FADS6: variants seen among roughly 807,000 people sequenced by gnomAD.
The protein encoded by FADS6 is fatty acid desaturase 6.
In FADS6, 28 loss-of-function variants were observed where a neutral mutation model predicts 31.7. The observed-to-expected ratio is 0.88, with a 90% CI of 0.66 to 1.21. The LOEUF (loss-of-function observed/expected upper bound fraction) is 1.21. Among genes scored for constraint, FADS6 ranks in the 50% most tolerant of loss-of-function variants. The pLI, the probability that FADS6 is intolerant of heterozygous loss-of-function variation, is 0.00. For missense variants in FADS6, 494 were observed against 504.2 expected (o/e 0.98, Z 0.19); for synonymous variants, 191 against 213.1 (o/e 0.90, Z 0.90).
In FADS6 at chr17:74,881,265, A is replaced by G. The variant is rs1204104724; in HGVS notation, c.593-10T>C. The stretch of plus-strand genomic sequence containing the variant: ...ACCTTCCTCAGCCGCTCTGCCATAG[A>G]GGGAGGGGACAGGCAAGGCTCAGAT... On this transcript the variant is annotated splice_polypyrimidine_tract_variant and intron_variant, in intron 3 of 5. Coordinates refer to ENST00000612771, the MANE Select transcript of FADS6 (RefSeq NM_178128.6). The G allele has an allele frequency of 6.3e-7, 1 of 1,585,766 alleles. No individual in the cohort carries two copies. The highest frequency in any genetic ancestry group is 2.3e-5 in the East Asian group (1 of 43,774).
At chr17:74,879,730 C>T (rs780342646) in intron 4 of FADS6, 147 bp from the exon 5 acceptor site, 4 of 777,150 alleles carry the variant, frequency 5.1e-6, no homozygotes, top group East Asian at 2.8e-5. Context: ...GGCCCAGCTC[C>T]GATGATGACC....
At chr17:74,892,104 G>A (rs2038695302) in intron 2 of FADS6, among the ~76,000 whole-genome samples, 1 of 152,232 alleles carries the variant, frequency 6.6e-6, no homozygotes, top group Non-Finnish European at 1.5e-5. Context: ...CCGGGGAGCA[G>A]GGGGCTTCTC....
Position 74,881,390 on chromosome 17 carries a change from C to T in FADS6, c.593-135G>A, listed in dbSNP as rs571051407. 9 of 833,942 alleles carry T rather than the reference C, an allele frequency of 1.1e-5. No individual in the cohort carries two copies. The African/African-American group carries it at 1.6e-4, about 14-fold the overall frequency. The allele number at this position is 833,942 out of a possible 1,614,324, so 51.7% of individuals were successfully genotyped here. A position where few individuals can be genotyped will look rare whatever the true frequency, so the allele number is the denominator to read the frequency against. On this transcript the variant is annotated intron_variant, in intron 3 of 5. Transcript: ENST00000612771. ...CACAACAGCCCTGAAAAGCAGGGCA[C>T]CCCATTGTGTGGATGAAGAAACAGA...
In FADS6 at chr17:74,882,080, C is replaced by T. The variant is rs1180868052; in HGVS notation, c.592+450G>A. 5.3e-5 allele frequency among the ~76,000 whole-genome samples: 8 copies of T among 152,088 alleles called. No homozygotes were observed. The East Asian group carries it at 5.8e-4, about 11-fold the overall frequency. On this transcript the variant is annotated intron_variant, in intron 3 of 5. Coordinates refer to ENST00000612771, the MANE Select transcript of FADS6 (RefSeq NM_178128.6). ...CCTGCCAGGTAGCTGGGACTACAGG[C>T]GCCCACCACCACGCCCAGCTAATTT...
In FADS6 at chr17:74,877,579, C is replaced by T. The variant is rs945838108; in HGVS notation, c.*752G>A. The stretch of plus-strand genomic sequence containing the variant: ...CGAGCTCCTGATCTCGCGATCCACC[C>T]GCCTTGGCCTCCCAAAGTGCTGGGA... On this transcript the variant is annotated 3_prime_UTR_variant, in exon 6 of 6. Coordinates refer to ENST00000612771, the MANE Select transcript of FADS6 (RefSeq NM_178128.6). 1.2e-5 allele frequency: 7 copies of T among 585,428 alleles called. No individual in the cohort carries two copies. The highest frequency in any genetic ancestry group is 8.2e-5 in the African/African-American group (4 of 48,902). 36.3% of individuals were successfully genotyped at this position (585,428 alleles called of 1,614,324 possible).
At chr17:74,886,540 C>T (rs2038625829) in intron 2 of FADS6, among the ~76,000 whole-genome samples, 1 of 151,648 alleles carries the variant, frequency 6.6e-6, no homozygotes, top group Admixed American at 6.6e-5. Flanking sequence ...AACCTCCAGC[C>T]ATCATCTTCC....
chr17:74,879,539 CCGA>C lies in FADS6; in HGVS notation c.822_824del (p.Arg275del). The C allele has an allele frequency of 6.2e-7, 1 of 1,613,588 alleles. No individual in the cohort carries two copies. Among genetic ancestry groups the C allele is most frequent in the Non-Finnish European group, 8.5e-7 (1 of 1,179,862 alleles). On this transcript the variant is annotated inframe_deletion, in exon 5 of 6. Coordinates refer to ENST00000612771, the MANE Select transcript of FADS6 (RefSeq NM_178128.6). The stretch of plus-strand genomic sequence containing the variant: ...GCACCCCCAGGCTCATCATGTGAAT[CCGA>C]CGGGGCTTGTTGTCCCGGGAGAACA...
At chr17:74,888,140 A>ACGCGCGCG (rs1425081128) in intron 2 of FADS6, among the ~76,000 whole-genome samples, 5 of 111,320 alleles carry the variant, frequency 4.5e-5, no homozygotes, top group Admixed American at 4.3e-4. Context: ...ACACACACAC[A>ACGCGCGCG]CACACACACA....
intron 4 of FADS6, among the ~76,000 whole-genome samples, 153 bp from the exon 5 acceptor site, chr17:74,879,736 T>C (rs747067740): frequency 6.6e-6 from 1 of 152,202 alleles, no homozygotes; most frequent in Non-Finnish European, 1.5e-5. Flanking sequence ...GCTCCGATGA[T>C]GACCCTGTCT....
chr17:74,879,470 G>A lies in FADS6; in HGVS notation c.894C>T (p.His298=), dbSNP rs1174442763. The change falls in exon 5 of 6, where the codon CAC becomes CAT. Residue 298 remains histidine (H), a synonymous_variant. Coordinates refer to ENST00000612771, the MANE Select transcript of FADS6 (RefSeq NM_178128.6). ...GTTCCACATGGCAGCTGATGATCGA[G>A]TGGCCGAACGCCCAGTCCAGCACGG... ...RLPVLDWAFG[H]SIISCHVEHH... is the part of the protein sequence containing the mutation. The A allele has an allele frequency of 2.5e-6, 4 of 1,613,954 alleles. No individual in the cohort carries two copies. The Admixed American group carries it at 6.7e-5, about 27-fold the overall frequency.
In FADS6 at chr17:74,882,693, A is replaced by G; in HGVS notation, c.429T>C (p.Thr143=). Residue 143 remains threonine (T), a synonymous_variant, in exon 3 of 6, where the codon ACT becomes ACC. Transcript: ENST00000612771. ...CGTGCCCATGCGTGGCGTGCTCTGC[A>G]GTGAAGGCTGTGCACACCTAGAGGA... ...LFFVEVCTAF[T]AEHATHGHVK... 1 of 1,610,296 alleles carries G rather than the reference A, an allele frequency of 6.2e-7. No homozygotes were observed.
intron 5 of FADS6, among the ~76,000 whole-genome samples, chr17:74,878,772 A>G (rs1029670769): frequency 6.6e-6 from 1 of 152,164 alleles, no homozygotes; most frequent in Non-Finnish European, 1.5e-5. Context: ...TGTGCCAAAC[A>G]TTTCAGATAT....
At chr17:74,878,512 A>C in intron 5 of FADS6, 35 bp from the exon 6 acceptor site, 1 of 1,609,508 alleles carries the variant, frequency 6.2e-7, no homozygotes, top group Non-Finnish European at 8.5e-7. Flanking sequence ...GCCTATGAGC[A>C]GGGGCTGTGG....
rs1567931227 is a variant in FADS6, at chr17:74,893,560, GGGCTCCGTAGGTTCCATC to G, written c.18_35del (p.Thr28_Pro33del). 3.6e-6 allele frequency: 5 copies of G among 1,374,432 alleles called. No individual in the cohort carries two copies. The highest frequency in any genetic ancestry group is 2.9e-5 in the South Asian group (2 of 67,912). The allele number at this position is 1,374,432 out of a possible 1,614,324, so 85.1% of individuals were successfully genotyped here. ...GTTCCATGGGCTCCGTAGGTTCCAT[GGGCTCCGTAGGTTCCATC>G]GGCTCCGTGGGTTCCATGGACTCTG... is the stretch of plus-strand genomic sequence containing the variant. On this transcript the variant is annotated inframe_deletion, in exon 1 of 6. Coordinates refer to ENST00000612771, the MANE Select transcript of FADS6 (RefSeq NM_178128.6).
At chr17:74,880,947 G>T in intron 4 of FADS6, 121 bp downstream of exon 4, 2 of 1,026,068 alleles carry the variant, frequency 1.9e-6, no homozygotes, top group Non-Finnish European at 2.8e-6. Context: ...GAGAGCGAGA[G>T]GGAGGATGCC....
intron 2 of FADS6, among the ~76,000 whole-genome samples, chr17:74,886,238 C>CA (rs550950451): frequency 0.016 from 654 of 41,984 alleles, 7 homozygotes; most frequent in Non-Finnish European, 0.023. Context: ...GATTCCATCT[C>CA]AAAAAAAAAA....
chr17:74,892,482 G>C (rs1203406089), intron 2 of FADS6, 41 bp downstream of exon 2: 1 of 1,586,880 alleles, frequency 6.3e-7, no homozygotes, highest in South Asian at 1.2e-5. Flanking sequence ...GCTGCCACAC[G>C]GTCCCAGCAG....
intron 1 of FADS6, 149 bp from the exon 2 acceptor site, chr17:74,892,838 G>A: frequency 1.3e-6 from 1 of 767,750 alleles, no homozygotes; most frequent in Non-Finnish European, 2.0e-6. Context: ...TCCCACTGTG[G>A]CCTGAGGGGA....
At chr17:74,888,152 ACACGCG>A (rs1273603574) in intron 2 of FADS6, among the ~76,000 whole-genome samples, 62 of 124,322 alleles carry the variant, frequency 5.0e-4, no homozygotes, top group African/African-American at 2.1e-3. Flanking sequence ...ACACACACAC[ACACGCG>A]CGCGCGCGCG....
Sources: allele counts gnomAD v4.1 joint callset (sites outside exome capture counted in the v4.1 genomes callset), GRCh38; gene constraint gnomAD v4.1.1; transcripts MANE v1.5; gene names NCBI Gene and HGNC (gene_info 2026-07-23, HGNC 2026-07-21).